CEP164: variants seen among roughly 807,000 people sequenced by gnomAD.
CEP164 encodes centrosomal protein of 164 kDa.
A neutral mutation model predicts 182.7 loss-of-function variants in CEP164; 162 were observed. The ratio of observed to expected loss-of-function variants is 0.89; its 90% CI spans 0.78 to 1.01. CEP164 has a LOEUF of 1.01. Among genes scored for constraint, CEP164 ranks in the 50% least tolerant of loss-of-function variants. The probability of loss-of-function intolerance (pLI) is 0.00; values close to 1 mark genes in which losing one functional copy is unlikely to be tolerated. For synonymous variants in CEP164, 661 were observed against 690.0 expected (o/e 0.96, Z 0.66); for missense variants, 1,735 against 1,790.4 (o/e 0.97, Z 0.56).
intron 20 of CEP164, among the ~76,000 whole-genome samples, chr11:117,393,560 G>A (rs1216035170): frequency 6.6e-6 from 1 of 152,054 alleles, no homozygotes; most frequent in Non-Finnish European, 1.5e-5. Flanking sequence ...TAAAGATGAG[G>A]GCACTGAGAC....
intron 3 of CEP164, among the ~76,000 whole-genome samples, chr11:117,342,571 T>C (rs1236710596): frequency 6.6e-6 from 1 of 151,994 alleles, no homozygotes; most frequent in East Asian, 1.9e-4. Context: ...CTGCCTCCTG[T>C]CTCAAGCGAT....
At chr11:117,343,527 G>A (rs1004166913) in intron 3 of CEP164, among the ~76,000 whole-genome samples, 7 of 152,150 alleles carry the variant, frequency 4.6e-5, no homozygotes, top group Non-Finnish European at 1.0e-4. Context: ...ACTACCTTCT[G>A]GTAAGGCTGT....
chr11:117,357,120 C>T (rs1168103544), intron 5 of CEP164, among the ~76,000 whole-genome samples: 1 of 152,116 alleles, frequency 6.6e-6, no homozygotes, highest in African/African-American at 2.4e-5. Context: ...ATTTTTTAGA[C>T]AGGGTTTTGT....
At chr11:117,399,777 A>G (rs2045933085) in intron 27 of CEP164, among the ~76,000 whole-genome samples, 1 of 152,130 alleles carries the variant, frequency 6.6e-6, no homozygotes, top group African/African-American at 2.4e-5. Flanking sequence ...GGCTGCGTAA[A>G]TGTCTTCTTT....
In CEP164 at chr11:117,411,681, C is replaced by G; in HGVS notation, c.4164-114C>G. 4 of 1,444,704 alleles carry G rather than the reference C, an allele frequency of 2.8e-6. No homozygotes were observed. The highest frequency in any genetic ancestry group is 3.8e-6 in the Non-Finnish European group (4 of 1,057,188). The allele number at this position is 1,444,704 out of a possible 1,614,324, so 89.5% of individuals were successfully genotyped here. On this transcript the variant is annotated intron_variant, in intron 31 of 32. Coordinates refer to ENST00000278935, the MANE Select transcript of CEP164 (RefSeq NM_014956.5). This position sits in a 1 kb window ranked among gnomAD's most constrained non-coding sequence, Gnocchi z 4.4. ...ATTGCTAGGGACCTCGGAGAAGCTG[C>G]TCTGGTAGCTGAGAGAAAGAGGGAG... is the stretch of plus-strand genomic sequence containing the variant.
intron 30 of CEP164, chr11:117,410,482 C>T: frequency 3.7e-6 from 1 of 271,648 alleles, no homozygotes; most frequent in Non-Finnish European, 7.0e-6. Flanking sequence ...GACCCCATGT[C>T]TCTGTGACTC....
chr11:117,396,075 A>G lies in CEP164; in HGVS notation c.3111A>G (p.Gln1037=), dbSNP rs1017858623. The change falls in exon 25 of 33, where the codon CAA becomes CAG. Residue 1037 remains glutamine, a synonymous_variant. Coordinates refer to ENST00000278935, the MANE Select transcript of CEP164 (RefSeq NM_014956.5). ...ACAGCAGCCTGGAGGCTGAAGCTCAAAAGAAGCAGCACCTGTTGAGAGAAG... is the reference window on the plus strand; with the variant it reads ...ACAGCAGCCTGGAGGCTGAAGCTCAGAAGAAGCAGCACCTGTTGAGAGAAG... ...KHFSSLEAEA[Q]KKQHLLREVT... The G allele has an allele frequency of 3.1e-6, 5 of 1,614,032 alleles. No individual in the cohort carries two copies. In the African/African-American group the frequency reaches 4.0e-5, roughly 13 times the overall value.
At position 117,412,787 on chromosome 11, in the gene CEP164, G is replaced by A. The variant is rs2047483351; in HGVS notation, c.*619G>A. On this transcript the variant is annotated 3_prime_UTR_variant, in exon 33 of 33. Coordinates refer to ENST00000278935, the MANE Select transcript of CEP164 (RefSeq NM_014956.5). ...TAGCTGTCCAGAGCCCTGCCGGAGG[G>A]TGCTGGGGGCTGTCCCTCTGCAGGC... 1.3e-5 allele frequency: 2 copies of A among 152,752 alleles called. No individual in the cohort carries two copies. The highest frequency in any genetic ancestry group is 1.3e-4 in the Admixed American group (2 of 15,272). 9.5% of individuals were successfully genotyped at this position (152,752 alleles called of 1,614,324 possible).
At chr11:117,389,734 T>C (rs2044378257) in intron 15 of CEP164, among the ~76,000 whole-genome samples, 1 of 152,046 alleles carries the variant, frequency 6.6e-6, no homozygotes, top group African/African-American at 2.4e-5. Context: ...GCAGAGAACC[T>C]AGGAAGGAAG....
rs151068677 is a variant in CEP164, at chr11:117,365,831, C to T, written c.765+2325C>T. ...CTGACCTCAGGTGATCTGCACGCCA[C>T]GGCTTCCCAAGGTGCTGGGATTACA... is the stretch of plus-strand genomic sequence containing the variant. On this transcript the variant is annotated intron_variant, in intron 8 of 32. Coordinates refer to ENST00000278935, the MANE Select transcript of CEP164 (RefSeq NM_014956.5). Among the ~76,000 whole-genome samples the T allele has an allele frequency of 6.0e-3, 918 of 152,256 alleles. 7 individuals carry two copies. The highest frequency in any genetic ancestry group is 0.021 in the African/African-American group (877 of 41,544).
intron 1 of CEP164, among the ~76,000 whole-genome samples, chr11:117,334,677 C>T (rs987010967): frequency 1.5e-4 from 23 of 148,910 alleles, no homozygotes; most frequent in African/African-American, 5.2e-4. Flanking sequence ...CCCAGCTACT[C>T]GGGCAGCTGA....
At chr11:117,374,093 TAAC>T (rs1316944695) in intron 10 of CEP164, among the ~76,000 whole-genome samples, 6 of 152,008 alleles carry the variant, frequency 3.9e-5, no homozygotes, top group African/African-American at 1.2e-4. Context: ...ATATATATAA[TAAC>T]ATTAAAATGT....
intron 28 of CEP164, among the ~76,000 whole-genome samples, chr11:117,408,303 T>A (rs765343423): frequency 8.5e-5 from 13 of 152,226 alleles, no homozygotes; most frequent in Admixed American, 6.5e-5. Context: ...GCCAAGCCTT[T>A]ACCCTGCCCT....
In CEP164 at chr11:117,382,743, G is replaced by A. The variant is rs1353460720; in HGVS notation, c.1578-53G>A. The A allele has an allele frequency of 1.3e-5, 20 of 1,594,694 alleles. No homozygotes were observed. In the East Asian group the frequency reaches 2.7e-4, roughly 21 times the overall value. The stretch of plus-strand genomic sequence containing the variant: ...TGACCCCAAATGGCGTACATCTTAA[G>A]CCTCTTGCTTTCTTACTGGCTTTAA... On this transcript the variant is annotated intron_variant, in intron 13 of 32. Transcript: ENST00000278935.
At chr11:117,352,298 G>A (rs1006293273) in intron 5 of CEP164, among the ~76,000 whole-genome samples, 2 of 152,124 alleles carry the variant, frequency 1.3e-5, no homozygotes, top group Non-Finnish European at 2.9e-5. Flanking sequence ...AGCAGTAATG[G>A]CATCTGCTGC....
At chr11:117,356,603 C>A in intron 5 of CEP164, 1 of 1,286,068 alleles carries the variant, frequency 7.8e-7, no homozygotes, top group Non-Finnish European at 1.0e-6. Flanking sequence ...AGGCAAGATG[C>A]AGCATCTCAA....
rs2045124645 is a variant in CEP164, at chr11:117,394,322, C to T, written c.2617-28C>T. Reference sequence around the variant, plus strand: ...GTGGTAGAAGGGGCTGCCGCAGCTTCCCACCGGTGGGCCCACCCTCCTTGC... The same window carrying T: ...GTGGTAGAAGGGGCTGCCGCAGCTTTCCACCGGTGGGCCCACCCTCCTTGC... On this transcript the variant is annotated intron_variant, in intron 20 of 32. Transcript: ENST00000278935. The surrounding 1 kb of genome is among the most constrained non-coding windows in gnomAD (Gnocchi z 4.0). The T allele has an allele frequency of 1.9e-6, 3 of 1,572,008 alleles. No homozygotes were observed. The highest frequency in any genetic ancestry group is 2.6e-6 in the Non-Finnish European group (3 of 1,158,614).
intron 5 of CEP164, chr11:117,355,456 A>G (rs1350440721): frequency 7.8e-7 from 1 of 1,289,674 alleles, no homozygotes; most frequent in Non-Finnish European, 1.0e-6. Context: ...AAGGCCTGCC[A>G]CTGAAAGGGG....
At chr11:117,371,836 T>C (rs1212822480) in intron 9 of CEP164, among the ~76,000 whole-genome samples, 1 of 147,994 alleles carries the variant, frequency 6.8e-6, no homozygotes, top group African/African-American at 2.5e-5. Flanking sequence ...AGGGTCTTGC[T>C]CTGTAGCCCA....
Sources: gnomAD v4.1 joint callset for allele counts (sites outside exome capture counted in the v4.1 genomes callset) on GRCh38, gnomAD v4.1.1 for gene constraint, Gnocchi (gnomAD v3.1) non-coding constraint, MANE v1.5 for transcripts, NCBI Gene and HGNC (gene_info 2026-07-23, HGNC 2026-07-21) for gene names.